Variants in TNNT1 observed in about 807,000 individuals in gnomAD.
The protein encoded by TNNT1 is troponin T1, slow skeletal type.
TNNT1 carries 53 observed loss-of-function variants against 50.6 expected under a neutral mutation model. The ratio of observed to expected loss-of-function variants is 1.05; its 90% CI spans 0.84 to 1.32. TNNT1 has a LOEUF of 1.32. Among genes scored for constraint, TNNT1 ranks in the 40% most tolerant of loss-of-function variants. The pLI, the probability that TNNT1 is intolerant of heterozygous loss-of-function variation, is 0.00. For missense variants in TNNT1, 348 were observed against 381.7 expected, an observed-to-expected ratio of 0.91 and a Z score of 0.74; for synonymous variants, 142 against 138.0, an observed-to-expected ratio of 1.03 and a Z score of -0.20.
rs56851304 is a variant in TNNT1, at chr19:55,139,804, TA to T, written c.387+1078del. ...CAACATAGAAAGACCCTATCTCAAATAAAAAAAAATAATAATAATAGTAATA... is the reference window on the plus strand; with the variant it reads ...CAACATAGAAAGACCCTATCTCAAATAAAAAAAATAATAATAATAGTAATA... On this transcript the variant is annotated intron_variant, in intron 9 of 13. Coordinates refer to ENST00000588981, the MANE Select transcript of TNNT1 (RefSeq NM_003283.6). 5.9e-3 allele frequency among the ~76,000 whole-genome samples: 886 copies of T among 149,054 alleles called. 9 individuals are homozygous for T. The highest frequency in any genetic ancestry group is 0.021 in the African/African-American group (843 of 40,392).
At position 55,137,956 on chromosome 19, in the gene TNNT1, C is replaced by G; in HGVS notation, c.501+5G>C. The G allele has an allele frequency of 1.2e-6, 2 of 1,614,230 alleles. No homozygotes were observed. The highest frequency in any genetic ancestry group is 1.3e-5 in the African/African-American group (1 of 75,070). ...CAGACCTCAGGCTCCTGCAGGCTGA[C>G]TCACCTTGACCAGGTAGCCGCCAAA... is the stretch of plus-strand genomic sequence containing the variant. On this transcript the variant is annotated splice_donor_5th_base_variant and intron_variant, in intron 10 of 13. Transcript: ENST00000588981.
In TNNT1 at chr19:55,134,225, G is replaced by A. The variant is rs535763268; in HGVS notation, c.612-21C>T. ...GGGCCCTAGGCCCAGGGACGGAGAG[G>A]AACTTGGGCCCAGAGAGGTTGTGGG... On this transcript the variant is annotated intron_variant, in intron 11 of 13. Transcript: ENST00000588981. The A allele has an allele frequency of 3.9e-6, 6 of 1,555,194 alleles. No individual in the cohort carries two copies. In the African/African-American group the frequency reaches 4.1e-5, roughly 11 times the overall value.
At chr19:55,142,991 C>G (rs2085486726) in intron 6 of TNNT1, among the ~76,000 whole-genome samples, 1 of 151,324 alleles carries the variant, frequency 6.6e-6, no homozygotes, top group South Asian at 2.1e-4. Context: ...TGGTGAAACC[C>G]CATCTCTACT....
chr19:55,143,507 G>A (rs1301093079), intron 6 of TNNT1, among the ~76,000 whole-genome samples: 1 of 152,100 alleles, frequency 6.6e-6, no homozygotes, highest in Non-Finnish European at 1.5e-5. Context: ...AAGAGGTGAG[G>A]ACAATCCCCA....
chr19:55,138,225 A>C lies in TNNT1; in HGVS notation c.388-151T>G, dbSNP rs2742062. 0.32 allele frequency: 435,388 copies of C among 1,357,372 alleles called. 79,365 individuals are homozygous for C. The highest frequency in any genetic ancestry group is 0.66 in the African/African-American group (45,849 of 68,966). The allele number at this position is 1,357,372 out of a possible 1,614,324, so 84.1% of individuals were successfully genotyped here. On this transcript the variant is annotated intron_variant, in intron 9 of 13. Transcript: ENST00000588981. ...AACCAGCAGAAACGCAGGGGTACCC[A>C]CTCCCGGCCCTGCCACGTCTCCCCG...
Position 55,147,246 on chromosome 19 carries a change from G to T in TNNT1, c.-11-78C>A. 3.5e-6 allele frequency: 5 copies of T among 1,428,456 alleles called. No homozygotes were observed. In the South Asian group the frequency reaches 6.0e-5, roughly 17 times the overall value. The allele number at this position is 1,428,456 out of a possible 1,614,324, so 88.5% of individuals were successfully genotyped here. A position where few individuals can be genotyped will look rare whatever the true frequency, so the allele number is the denominator to read the frequency against. On this transcript the variant is annotated intron_variant, in intron 1 of 13. Coordinates refer to ENST00000588981, the MANE Select transcript of TNNT1 (RefSeq NM_003283.6). Reference sequence around the variant, plus strand: ...ACCTAGACTCCTGGGTGTGAGGGAGGAGGGGCTGGGGGCCTGGACTCCTGG... The same window carrying T: ...ACCTAGACTCCTGGGTGTGAGGGAGTAGGGGCTGGGGGCCTGGACTCCTGG...
chr19:55,146,817 G>T, intron 3 of TNNT1, 110 bp from the exon 4 acceptor site: 1 of 1,145,238 alleles, frequency 8.7e-7, no homozygotes, highest in Non-Finnish European at 1.2e-6. Flanking sequence ...CTCTGGCCTC[G>T]GCTGCGATGG....
chr19:55,133,795 TG>T lies in TNNT1; in HGVS notation c.791+91del, dbSNP rs1599869443. 22 of 1,444,278 alleles carry T rather than the reference TG, an allele frequency of 1.5e-5. No individual in the cohort carries two copies. In the East Asian group the frequency reaches 5.0e-4, roughly 33 times the overall value. 89.5% of individuals were successfully genotyped at this position (1,444,278 alleles called of 1,614,324 possible). A position where few individuals can be genotyped will look rare whatever the true frequency, so the allele number is the denominator to read the frequency against. On this transcript the variant is annotated intron_variant, in intron 13 of 13. Coordinates refer to ENST00000588981, the MANE Select transcript of TNNT1 (RefSeq NM_003283.6). ...GAGAAAGGGGCAGAAACTCAGGCAG[TG>T]GGGGATGGAGCCCACAGAGGGAGGG...
intron 4 of TNNT1, 44 bp downstream of exon 4, chr19:55,146,637 C>T (rs1599894730): frequency 6.0e-6 from 7 of 1,165,074 alleles, no homozygotes; most frequent in African/African-American, 1.5e-5. Context: ...GCGTCCCCGC[C>T]CCCCCACCCC....
rs765842716 is a variant in TNNT1 at position 55,147,012 on chromosome 19, C to T, written c.42G>A (p.Pro14=). ...GCCGGCCCACTCCCTACTCACCTTC[C>T]GGCTGCTCCCTGCGGACGGGTGTGG... ...TEEQEYEEEQ[P]EEEAAEEEEE... Residue 14 remains proline (P), a synonymous_variant, in exon 3 of 14, where the codon CCG becomes CCA. Transcript: ENST00000588981. 3.1e-6 allele frequency: 5 copies of T among 1,610,574 alleles called. No homozygotes were observed. In the Admixed American group the frequency reaches 5.0e-5, roughly 16 times the overall value.
At chr19:55,143,675 T>A (rs955757327) in intron 6 of TNNT1, among the ~76,000 whole-genome samples, 1 of 152,066 alleles carries the variant, frequency 6.6e-6, no homozygotes, top group African/African-American at 2.4e-5. Flanking sequence ...CCTCTGGCTG[T>A]TCCATCCCTA....
chr19:55,147,065 C>A, intron 2 of TNNT1, 44 bp from the exon 3 acceptor site: 1 of 1,613,222 alleles, frequency 6.2e-7, no homozygotes, highest in Non-Finnish European at 8.5e-7. Flanking sequence ...GAGAGTTAGA[C>A]CTGGGGTGGG....
chr19:55,145,641 G>C, intron 5 of TNNT1, 76 bp from the exon 6 acceptor site: 1 of 1,559,270 alleles, frequency 6.4e-7, no homozygotes, highest in Non-Finnish European at 8.8e-7. Context: ...CACACCCTGG[G>C]GAGGGACCCC....
chr19:55,147,163 T>TG lies in TNNT1; in HGVS notation c.-7dup, dbSNP rs1451737141. 4.3e-6 allele frequency: 7 copies of TG among 1,613,492 alleles called. No individual in the cohort carries two copies. The highest frequency in any genetic ancestry group is 5.1e-6 in the Non-Finnish European group (6 of 1,179,714). ...TGCTCCTCGGTGTCCGACATCCTGG[T>TG]GCGGCCTAAGGACCAGAGAGAAGAG... On this transcript the variant is annotated 5_prime_UTR_variant, in exon 2 of 14. Transcript: ENST00000588981.
At chr19:55,136,801 TC>T (rs1205685499) in intron 11 of TNNT1, among the ~76,000 whole-genome samples, 1 of 152,082 alleles carries the variant, frequency 6.6e-6, no homozygotes. Context: ...CATCCTGAGC[TC>T]CAAGGCACAT....
intron 7 of TNNT1, among the ~76,000 whole-genome samples, 157 bp downstream of exon 7, chr19:55,141,700 T>C (rs962252608): frequency 6.6e-6 from 1 of 152,106 alleles, no homozygotes; most frequent in African/African-American, 2.4e-5. Context: ...ACCAGGCTGG[T>C]CTCGAACTCC....
intron 9 of TNNT1, among the ~76,000 whole-genome samples, chr19:55,140,209 C>T (rs1274217737): frequency 2.0e-5 from 3 of 151,744 alleles, no homozygotes; most frequent in African/African-American, 7.3e-5. Flanking sequence ...CCTGTCATCC[C>T]AGCACTTTGG....
chr19:55,146,603 TCCCGCCCCCTCCTCCCGGGCCCAGCGTC>T, intron 4 of TNNT1, 50 bp downstream of exon 4: 1 of 1,118,384 alleles, frequency 8.9e-7, no homozygotes, highest in Non-Finnish European at 1.2e-6. Flanking sequence ...GGGAGCCCCA[TCCCGCCCCCTCCTCCCGGGCCCAGCGTC>T]CCCGCCCCCC....
At chr19:55,137,834 C>G in intron 10 of TNNT1, 127 bp downstream of exon 10, 1 of 1,213,354 alleles carries the variant, frequency 8.2e-7, no homozygotes, top group Non-Finnish European at 1.2e-6. Context: ...GAGTTCAGGG[C>G]CCAGCCCCTC....
Sources: allele counts gnomAD v4.1 joint callset (sites outside exome capture counted in the v4.1 genomes callset), GRCh38; gene constraint gnomAD v4.1.1; transcripts MANE v1.5; gene names NCBI Gene and HGNC (gene_info 2026-07-23, HGNC 2026-07-21).